Variants in EYA1 observed in about 807,000 individuals in gnomAD.
EYA1 encodes EYA transcriptional coactivator and phosphatase 1.
Under a neutral mutation model 82.0 loss-of-function variants are expected in EYA1, and 16 were observed. That is an observed-to-expected ratio of 0.20 (90% CI 0.13 to 0.30). EYA1 has a LOEUF of 0.30. Ranked by LOEUF, EYA1 falls within the 10% of genes least tolerant of loss-of-function variation. The pLI is 1.00. For synonymous variants in EYA1, 261 were observed against 264.4 expected (o/e 0.99, Z 0.12); for missense variants, 633 against 730.7 (o/e 0.87, Z 1.54).
Position 71,293,831 on chromosome 8 carries a change from A to G in EYA1, c.826+5216T>C, listed in dbSNP as rs1433126678. Among the ~76,000 whole-genome samples the G allele has an allele frequency of 7.9e-5, 8 of 101,724 alleles. 1 individual carries two copies. In the South Asian group the frequency reaches 2.7e-3, roughly 35 times the overall value. The allele number at this position is 101,724 out of a possible 152,430, so 66.7% of individuals were successfully genotyped here. A position where few individuals can be genotyped will look rare whatever the true frequency, so the allele number is the denominator to read the frequency against. ...CAAAAAACAACTTACAGCTAACATT[A>G]TACTTCATGGCGAGAAACTAGATGT... On this transcript the variant is annotated intron_variant, in intron 9 of 17. Coordinates refer to ENST00000340726, the MANE Select transcript of EYA1 (RefSeq NM_000503.6).
intron 2 of EYA1, among the ~76,000 whole-genome samples, chr8:71,440,580 G>T (rs537329298): frequency 6.6e-6 from 1 of 152,236 alleles, no homozygotes; most frequent in African/African-American, 2.4e-5. Flanking sequence ...AACATTCAGG[G>T]ATAGAAGTGC....
chr8:71,232,027 T>A (rs1811256974), intron 12 of EYA1, among the ~76,000 whole-genome samples: 1 of 152,196 alleles, frequency 6.6e-6, no homozygotes, highest in African/African-American at 2.4e-5. Flanking sequence ...ATAGCCAGGT[T>A]CTCTGACTTG....
chr8:71,360,580 T>C (rs557708768), intron 1 of EYA1, among the ~76,000 whole-genome samples: 3 of 152,268 alleles, frequency 2.0e-5, no homozygotes, highest in South Asian at 4.1e-4. Context: ...CTTTGGGCCT[T>C]GGGAGAACTC....
upstream of EYA1, among the ~76,000 whole-genome samples, chr8:71,365,333 G>A (rs964048576): frequency 4.6e-5 from 7 of 151,902 alleles, no homozygotes; most frequent in African/African-American, 1.7e-4. Flanking sequence ...TTGAAATAAC[G>A]TTAGAAGCAT....
In EYA1 at chr8:71,307,225, T is replaced by C. The variant is rs370702472; in HGVS notation, c.557-7505A>G. ...AAAAAGTGAGTAGGGAAAGAAAAGA[T>C]AAATAATAATTGAGCTTATTTCTCA... is the stretch of plus-strand genomic sequence containing the variant. On this transcript the variant is annotated intron_variant, in intron 7 of 17. Transcript: ENST00000340726. Among the ~76,000 whole-genome samples, 131 of 152,310 alleles carry C rather than the reference T, an allele frequency of 8.6e-4. 1 individual carries two copies. The highest frequency in any genetic ancestry group is 3.0e-3 in the African/African-American group (126 of 41,568).
chr8:71,313,595 T>C (rs1821591761), intron 7 of EYA1, among the ~76,000 whole-genome samples: 1 of 152,208 alleles, frequency 6.6e-6, no homozygotes, highest in Admixed American at 6.5e-5. Context: ...ACAATCTCAA[T>C]GATATCTCAC....
At chr8:71,201,238 GA>G (rs201243130) in intron 17 of EYA1, among the ~76,000 whole-genome samples, 1,536 of 135,570 alleles carry the variant, frequency 0.011, 52 homozygotes, top group East Asian at 0.1. Context: ...AAAAAAAAAA[GA>G]AAAAAAAAAA....
At chr8:71,547,050 T>G (rs1289481978) in intron 1 of EYA1, among the ~76,000 whole-genome samples, 1 of 149,394 alleles carries the variant, frequency 6.7e-6, no homozygotes, top group Non-Finnish European at 1.5e-5. Context: ...GCAGAGATCT[T>G]GTTTATTTTT....
intron 11 of EYA1, among the ~76,000 whole-genome samples, chr8:71,267,828 A>G (rs952559783): frequency 1.8e-4 from 28 of 152,294 alleles, no homozygotes; most frequent in East Asian, 9.6e-4. Context: ...GATTACAGGC[A>G]TGAGCCACCG....
At chr8:71,276,052 T>C (rs1474468387) in intron 9 of EYA1, among the ~76,000 whole-genome samples, 2 of 152,216 alleles carry the variant, frequency 1.3e-5, no homozygotes, top group Non-Finnish European at 2.9e-5. Context: ...TGGGACAAGA[T>C]ACAGATTTTG....
intron 2 of EYA1, chr8:71,535,669 G>A (rs1586904795): frequency 7.6e-6 from 8 of 1,053,372 alleles, no homozygotes; most frequent in South Asian, 4.5e-5. Flanking sequence ...CCAGATACTC[G>A]GGTTACAATA....
chr8:71,312,693 C>T (rs1821479542), intron 7 of EYA1, among the ~76,000 whole-genome samples: 1 of 152,198 alleles, frequency 6.6e-6, no homozygotes, highest in Non-Finnish European at 1.5e-5. Flanking sequence ...CCACCTCGGC[C>T]TCCCAAAGTG....
intron 7 of EYA1, among the ~76,000 whole-genome samples, chr8:71,314,707 A>G (rs952374771): frequency 2.6e-5 from 4 of 152,164 alleles, no homozygotes; most frequent in Non-Finnish European, 5.9e-5. Flanking sequence ...CTGTATATCC[A>G]ATAGTCTAAA....
intron 2 of EYA1, among the ~76,000 whole-genome samples, chr8:71,439,921 C>T (rs552431885): frequency 1.3e-4 from 20 of 152,160 alleles, no homozygotes; most frequent in African/African-American, 3.9e-4. Flanking sequence ...ACCTAGACTG[C>T]GGCCTGGCAT....
intron 2 of EYA1, among the ~76,000 whole-genome samples, chr8:71,381,488 G>A (rs1310088996): frequency 1.3e-5 from 2 of 152,186 alleles, no homozygotes; most frequent in African/African-American, 2.4e-5. Flanking sequence ...CAGGGGTCAG[G>A]CTGAAGCCTC....
chr8:71,406,758 G>C (rs1355299526), intron 2 of EYA1, among the ~76,000 whole-genome samples: 1 of 150,718 alleles, frequency 6.6e-6, no homozygotes, highest in African/African-American at 2.4e-5. Context: ...TAGCACAGCA[G>C]TCTGAGATCA....
At chr8:71,452,652 C>G (rs1002936922) in intron 2 of EYA1, among the ~76,000 whole-genome samples, 2 of 152,186 alleles carry the variant, frequency 1.3e-5, no homozygotes, top group Non-Finnish European at 2.9e-5. Flanking sequence ...GATACCCAGG[C>G]AAACAGGGTC....
At chr8:71,370,083 T>C (rs1418106774) in intron 2 of EYA1, among the ~76,000 whole-genome samples, 3 of 152,126 alleles carry the variant, frequency 2.0e-5, no homozygotes, top group African/African-American at 7.2e-5. Context: ...GTCATATTCT[T>C]CCCTAAGTAT....
At chr8:71,384,814 C>T (rs192434939) in intron 2 of EYA1, among the ~76,000 whole-genome samples, 2 of 152,194 alleles carry the variant, frequency 1.3e-5, no homozygotes, top group Admixed American at 1.3e-4. Flanking sequence ...AGATGAAATG[C>T]ATCTTACTCT....
Sources: allele counts gnomAD v4.1 joint callset (sites outside exome capture counted in the v4.1 genomes callset), GRCh38; gene constraint gnomAD v4.1.1; transcripts MANE v1.5; gene names NCBI Gene and HGNC (gene_info 2026-07-23, HGNC 2026-07-21).